The following KHDRBS2 variants were observed in gnomAD, a reference collection of about 807,000 sequenced individuals.
The protein encoded by KHDRBS2 is KH RNA binding domain containing, signal transduction associated 2.
A neutral mutation model predicts 44.3 loss-of-function variants in KHDRBS2; 26 were observed. That is an observed-to-expected ratio of 0.59 (90% CI 0.43 to 0.81). The LOEUF (loss-of-function observed/expected upper bound fraction) is 0.81. Among genes scored for constraint, KHDRBS2 ranks in the 40% least tolerant of loss-of-function variants. The pLI is 0.00. For synonymous variants in KHDRBS2, 194 were observed against 151.1 expected, an observed-to-expected ratio of 1.28 and a Z score of -2.08; for missense variants, 476 against 433.1, an observed-to-expected ratio of 1.10 and a Z score of -0.88.
intron 2 of KHDRBS2, among the ~76,000 whole-genome samples, chr6:62,086,567 C>T (rs769322754): frequency 2.6e-5 from 4 of 152,006 alleles, no homozygotes; most frequent in Non-Finnish European, 5.9e-5. Context: ...ATAGCAAATC[C>T]ATAACAAAAC....
chr6:61,720,802 T>A (rs1351199768), intron 7 of KHDRBS2, among the ~76,000 whole-genome samples: 1 of 151,530 alleles, frequency 6.6e-6, no homozygotes, highest in Non-Finnish European at 1.5e-5. Flanking sequence ...ATTTGTCAAT[T>A]TTGGCTTTTG....
At chr6:62,218,309 G>A (rs1399069623) in intron 1 of KHDRBS2, among the ~76,000 whole-genome samples, 2 of 151,802 alleles carry the variant, frequency 1.3e-5, no homozygotes, top group African/African-American at 4.8e-5. Context: ...ATCTAAAAGA[G>A]CAAAAGAATA....
chr6:62,116,951 A>G (rs1187638869), intron 2 of KHDRBS2, among the ~76,000 whole-genome samples: 1 of 152,144 alleles, frequency 6.6e-6, no homozygotes, highest in Non-Finnish European at 1.5e-5. Flanking sequence ...CTGAATAACA[A>G]TTTATTGTGC....
At chr6:61,587,671 G>T in the KHDRBS2 span, among the ~76,000 whole-genome samples, 1 of 152,066 alleles carries the variant, frequency 6.6e-6, no homozygotes, top group South Asian at 2.1e-4. Flanking sequence ...TGATATTTTT[G>T]ATTTGACAGA....
At chr6:61,587,163 C>A in the KHDRBS2 span, among the ~76,000 whole-genome samples, 1 of 152,204 alleles carries the variant, frequency 6.6e-6, no homozygotes, top group Non-Finnish European at 1.5e-5. Context: ...GAGGAAGCAG[C>A]CACAGCTGGC....
At chr6:62,231,053 A>T (rs570465801) in intron 1 of KHDRBS2, among the ~76,000 whole-genome samples, 41 of 152,342 alleles carry the variant, frequency 2.7e-4, no homozygotes, top group African/African-American at 9.4e-4. Flanking sequence ...AACTTGCTTT[A>T]AGCTCATTTA....
chr6:62,286,034 C>A lies in KHDRBS2; in HGVS notation c.-86G>T. Reference sequence around the variant, plus strand: ...AGGGTCTTGGGGCAGCGCCTGGCTCCCGCGCTGCTCCTCCTCCGCGCGGCG... The same window carrying A: ...AGGGTCTTGGGGCAGCGCCTGGCTCACGCGCTGCTCCTCCTCCGCGCGGCG... On this transcript the variant is annotated 5_prime_UTR_variant, in exon 1 of 9. Coordinates refer to ENST00000281156, the MANE Select transcript of KHDRBS2 (RefSeq NM_152688.4). The A allele has an allele frequency of 1.3e-6, 1 of 777,206 alleles. No homozygotes were observed. The highest frequency in any genetic ancestry group is 2.2e-6 in the Non-Finnish European group (1 of 452,588). 48.1% of individuals were successfully genotyped at this position (777,206 alleles called of 1,614,324 possible).
the KHDRBS2 span, among the ~76,000 whole-genome samples, chr6:61,660,052 C>T: frequency 6.6e-6 from 1 of 151,664 alleles, no homozygotes; most frequent in African/African-American, 2.4e-5. Flanking sequence ...ATAAAACTAC[C>T]ATAATTTCTC....
At chr6:61,979,433 A>T (rs572186401) in intron 3 of KHDRBS2, among the ~76,000 whole-genome samples, 2 of 152,278 alleles carry the variant, frequency 1.3e-5, no homozygotes, top group East Asian at 3.9e-4. Context: ...ACCTGGATTT[A>T]AAAAAGAACA....
At chr6:61,859,631 G>A (rs1796632675) in intron 6 of KHDRBS2, among the ~76,000 whole-genome samples, 1 of 151,848 alleles carries the variant, frequency 6.6e-6, no homozygotes, top group Non-Finnish European at 1.5e-5. Flanking sequence ...TTTAAACCCA[G>A]GTCTCAATGG....
chr6:62,212,558 G>C (rs753370459), intron 1 of KHDRBS2, among the ~76,000 whole-genome samples: 6 of 152,106 alleles, frequency 3.9e-5, no homozygotes, highest in Admixed American at 1.3e-4. Context: ...GGCCATATTG[G>C]AATAGGGTGG....
At chr6:61,625,134 G>A in the KHDRBS2 span, among the ~76,000 whole-genome samples, 22 of 151,948 alleles carry the variant, frequency 1.4e-4, no homozygotes, top group African/African-American at 4.3e-4. Flanking sequence ...AATTTTAATG[G>A]TTAATTGACA....
At chr6:61,781,756 C>T (rs911674313) in intron 6 of KHDRBS2, among the ~76,000 whole-genome samples, 4 of 152,116 alleles carry the variant, frequency 2.6e-5, no homozygotes, top group African/African-American at 9.7e-5. Context: ...CTCCTTCCCT[C>T]CCGAAAATTT....
intron 7 of KHDRBS2, among the ~76,000 whole-genome samples, chr6:61,718,891 A>T (rs1771879639): frequency 6.6e-6 from 1 of 152,156 alleles, no homozygotes; most frequent in Admixed American, 6.6e-5. Flanking sequence ...TAGGAGTCTA[A>T]TTCCCCGCCC....
At chr6:62,114,693 A>C (rs1165040620) in intron 2 of KHDRBS2, among the ~76,000 whole-genome samples, 1 of 151,456 alleles carries the variant, frequency 6.6e-6, no homozygotes, top group Non-Finnish European at 1.5e-5. Context: ...CATATACTAA[A>C]TACATTAACA....
chr6:62,019,850 T>A (rs1472988193), intron 3 of KHDRBS2, among the ~76,000 whole-genome samples: 1 of 151,942 alleles, frequency 6.6e-6, no homozygotes, highest in Non-Finnish European at 1.5e-5. Flanking sequence ...AGCTGCAGGT[T>A]TATCAATTTT....
chr6:62,004,583 A>C (rs544910687), intron 3 of KHDRBS2, among the ~76,000 whole-genome samples: 2 of 146,440 alleles, frequency 1.4e-5, no homozygotes, highest in East Asian at 3.9e-4. Flanking sequence ...CCAGAGGTAC[A>C]AAGAGGAGCT....
At chr6:61,961,285 C>G (rs548954528) in intron 4 of KHDRBS2, among the ~76,000 whole-genome samples, 19 of 151,742 alleles carry the variant, frequency 1.3e-4, no homozygotes, top group Middle Eastern at 3.4e-3. Context: ...ATTGTACATT[C>G]TAGTAGGGGA....
chr6:62,105,754 G>A (rs921946078), intron 2 of KHDRBS2, among the ~76,000 whole-genome samples: 5 of 152,092 alleles, frequency 3.3e-5, no homozygotes, highest in East Asian at 1.9e-4. Context: ...ATTTTTTGAA[G>A]GGTTTTTTGT....
Sources: gnomAD v4.1 joint callset for allele counts (sites outside exome capture counted in the v4.1 genomes callset) on GRCh38, gnomAD v4.1.1 for gene constraint, MANE v1.5 for transcripts, NCBI Gene and HGNC (gene_info 2026-07-23, HGNC 2026-07-21) for gene names.